The following PTPRM variants were observed in gnomAD, a reference collection of about 807,000 sequenced individuals.
PTPRM encodes receptor-type tyrosine-protein phosphatase mu.
In PTPRM, 47 loss-of-function variants were observed where a neutral mutation model predicts 186.7. That is an observed-to-expected ratio of 0.25 (90% CI 0.20 to 0.32). The LOEUF (loss-of-function observed/expected upper bound fraction) is 0.32. Among genes scored for constraint, PTPRM ranks in the 10% least tolerant of loss-of-function variants. PTPRM has a pLI of 1.00. For missense variants in PTPRM, 1,494 were observed against 1,865.0 expected (o/e 0.80, Z 3.66); for synonymous variants, 668 against 674.9 (o/e 0.99, Z 0.16).
intron 1 of PTPRM, among the ~76,000 whole-genome samples, chr18:7,711,865 T>G (rs1781841969): frequency 6.6e-6 from 1 of 152,102 alleles, no homozygotes; most frequent in South Asian, 2.1e-4. Context: ...CCCATCTCCC[T>G]GGGACTCAGC....
intron 14 of PTPRM, among the ~76,000 whole-genome samples, chr18:8,169,754 C>T (rs1016629136): frequency 2.6e-5 from 4 of 152,022 alleles, no homozygotes; most frequent in African/African-American, 9.7e-5. Context: ...CATATATATT[C>T]ATATATGCTC....
intron 14 of PTPRM, among the ~76,000 whole-genome samples, chr18:8,153,116 G>A (rs1482570328): frequency 6.6e-6 from 1 of 152,172 alleles, no homozygotes; most frequent in African/African-American, 2.4e-5. Context: ...ATGACCCAGT[G>A]TAAGTCCTAA....
chr18:8,354,073 C>T (rs544990958), intron 23 of PTPRM, among the ~76,000 whole-genome samples: 18 of 152,110 alleles, frequency 1.2e-4, no homozygotes, highest in Non-Finnish European at 1.9e-4. Flanking sequence ...ATTAGCTGGG[C>T]GTGGTGGCGG....
rs2042469077 is a variant in PTPRM at position 7,774,138 on chromosome 18, T to C, written c.74-11T>C. The C allele has an allele frequency of 6.2e-7, 1 of 1,602,772 alleles. No individual in the cohort carries two copies. The highest frequency in any genetic ancestry group is 8.5e-7 in the Non-Finnish European group (1 of 1,170,646). On this transcript the variant is annotated splice_polypyrimidine_tract_variant and intron_variant, in intron 1 of 32. Transcript: ENST00000580170. ...GGTATTTACATTACTTTTTATTCTT[T>C]TACATTTTAGGTGGCTGCCTCTTTG... is the stretch of plus-strand genomic sequence containing the variant.
In PTPRM at chr18:8,210,748, G is replaced by A. The variant is rs73391975; in HGVS notation, c.2301-33310G>A. On this transcript the variant is annotated intron_variant, in intron 14 of 32. Coordinates refer to ENST00000580170, the MANE Select transcript of PTPRM (RefSeq NM_001105244.2). ...ATTTAAAACAACGAGACTGTATGAC[G>A]TTCTGAAGGTGTATAGACAGTGAGC... Among the ~76,000 whole-genome samples the A allele has an allele frequency of 5.5e-3, 839 of 152,260 alleles. 5 individuals are homozygous for A. Among genetic ancestry groups the A allele is most frequent in the African/African-American group, 0.019 (788 of 41,540 alleles).
intron 1 of PTPRM, among the ~76,000 whole-genome samples, chr18:7,637,320 T>C (rs886862584): frequency 5.3e-5 from 8 of 152,196 alleles, no homozygotes; most frequent in African/African-American, 7.2e-5. Flanking sequence ...GCTTTTCTTA[T>C]ACTGTTTTAT....
chr18:8,037,884 T>G (rs1010384331), intron 7 of PTPRM, among the ~76,000 whole-genome samples: 1 of 152,188 alleles, frequency 6.6e-6, no homozygotes, highest in Non-Finnish European at 1.5e-5. Context: ...TGTTAGCTCC[T>G]GATCAGTGAT....
chr18:8,345,408 A>AT lies in PTPRM; in HGVS notation c.3054+1896dup, dbSNP rs1038526075. On this transcript the variant is annotated intron_variant, in intron 23 of 32. Transcript: ENST00000580170. ...AAAAACCACATATAGCCAATAGCAG[A>AT]TTTTTTTTGTACTGCAATAGAATAA... Among the ~76,000 whole-genome samples the AT allele has an allele frequency of 1.2e-4, 19 of 152,092 alleles. No homozygotes were observed. The East Asian group carries it at 3.5e-3, about 28-fold the overall frequency.
At position 8,289,559 on chromosome 18, in the gene PTPRM, T is replaced by TACATATATATATAC. The variant is rs2095011638; in HGVS notation, c.2755-6806_2755-6805insTATATATATACACA. The stretch of plus-strand genomic sequence containing the variant: ...ACACATATATATATATACATATATA[T>TACATATATATATAC]ACACATATATATATATACATATATA... On this transcript the variant is annotated intron_variant, in intron 19 of 32. Coordinates refer to ENST00000580170, the MANE Select transcript of PTPRM (RefSeq NM_001105244.2). 4.0e-5 allele frequency among the ~76,000 whole-genome samples: 4 copies of TACATATATATATAC among 101,174 alleles called. No individual in the cohort carries two copies. In the South Asian group the frequency reaches 9.6e-4, roughly 24 times the overall value. The allele number at this position is 101,174 out of a possible 152,430, so 66.4% of individuals were successfully genotyped here. A position where few individuals can be genotyped will look rare whatever the true frequency, so the allele number is the denominator to read the frequency against.
intron 14 of PTPRM, among the ~76,000 whole-genome samples, chr18:8,208,393 G>C (rs2093957645): frequency 6.6e-6 from 1 of 152,188 alleles, no homozygotes; most frequent in South Asian, 2.1e-4. Context: ...CTTGCTTTCT[G>C]ATGGGAGGAG....
chr18:7,728,078 C>T (rs2040584774), intron 1 of PTPRM, among the ~76,000 whole-genome samples: 1 of 152,154 alleles, frequency 6.6e-6, no homozygotes, highest in African/African-American at 2.4e-5. Flanking sequence ...AAGGCTTCCC[C>T]AAGTTCTTCA....
At chr18:8,340,887 G>A (rs1257218977) in intron 22 of PTPRM, among the ~76,000 whole-genome samples, 1 of 152,184 alleles carries the variant, frequency 6.6e-6, no homozygotes, top group African/African-American at 2.4e-5. Context: ...AATCTCCACA[G>A]TAATTTTAAT....
At chr18:8,382,580 C>T (rs1054663269) in intron 29 of PTPRM, among the ~76,000 whole-genome samples, 5 of 152,106 alleles carry the variant, frequency 3.3e-5, no homozygotes, top group African/African-American at 4.8e-5. Context: ...AAATATTTCA[C>T]GGAAGCATTA....
At chr18:7,937,481 C>T (rs529119329) in intron 5 of PTPRM, among the ~76,000 whole-genome samples, 1 of 152,328 alleles carries the variant, frequency 6.6e-6, no homozygotes, top group South Asian at 2.1e-4. Flanking sequence ...CTCACTCACA[C>T]ACCCGTCACC....
intron 14 of PTPRM, among the ~76,000 whole-genome samples, chr18:8,157,410 T>C (rs1386533829): frequency 6.6e-6 from 1 of 152,224 alleles, no homozygotes; most frequent in East Asian, 1.9e-4. Flanking sequence ...GGAACGGAGC[T>C]GTCTCCCCTT....
intron 1 of PTPRM, among the ~76,000 whole-genome samples, chr18:7,737,607 G>T (rs981831662): frequency 3.9e-5 from 6 of 152,202 alleles, no homozygotes; most frequent in Non-Finnish European, 7.3e-5. Flanking sequence ...GGACTGGCTG[G>T]TAAGTAGCCA....
At chr18:8,342,862 C>G (rs2095482921) in intron 22 of PTPRM, among the ~76,000 whole-genome samples, 1 of 151,944 alleles carries the variant, frequency 6.6e-6, no homozygotes, top group African/African-American at 2.4e-5. Flanking sequence ...TGCCAGGAAT[C>G]TTTATGTTCA....
At chr18:8,280,218 A>G (rs756134725) in intron 19 of PTPRM, among the ~76,000 whole-genome samples, 71 of 152,192 alleles carry the variant, frequency 4.7e-4, no homozygotes, top group Admixed American at 9.8e-4. Flanking sequence ...TTCTGCACGC[A>G]TGCCCCAGGG....
At chr18:7,726,938 C>A (rs2040561655) in intron 1 of PTPRM, among the ~76,000 whole-genome samples, 1 of 151,966 alleles carries the variant, frequency 6.6e-6, no homozygotes, top group African/African-American at 2.4e-5. Context: ...GGATATCAGC[C>A]TTGACAGCAG....
Sources: allele counts gnomAD v4.1 joint callset (sites outside exome capture counted in the v4.1 genomes callset), GRCh38; gene constraint gnomAD v4.1.1; transcripts MANE v1.5; gene names NCBI Gene and HGNC (gene_info 2026-07-23, HGNC 2026-07-21).